The following SLC45A4 variants were observed in gnomAD, a reference collection of about 807,000 sequenced individuals.
SLC45A4 encodes polyamine-transporter SLC45A4.
In SLC45A4, 32 loss-of-function variants were observed where a neutral mutation model predicts 63.7. The ratio of observed to expected loss-of-function variants is 0.50; its 90% CI spans 0.38 to 0.67. The LOEUF is 0.67. SLC45A4 is among the 30% of genes least tolerant of loss of function. SLC45A4 has a pLI of 0.00. For missense variants in SLC45A4, 1,027 were observed against 1,157.7 expected (o/e 0.89, Z 1.64); for synonymous variants, 535 against 510.0 (o/e 1.05, Z -0.66).
In SLC45A4 at chr8:141,218,484, C is replaced by T. The variant is rs370727733; in HGVS notation, c.1156G>A (p.Gly386Arg). ...NHLNEAKVPN[G>R]SGSPTKDALG... ...GCGTCTTTTGTGGGGGAGCCACTTCCGTTTGGGACTTTAGCTTCATTCAAG... is the reference window on the plus strand; with the variant it reads ...GCGTCTTTTGTGGGGGAGCCACTTCTGTTTGGGACTTTAGCTTCATTCAAG... Residue 386 changes from glycine to arginine, a missense_variant, in exon 5 of 9, where the codon GGA (glycine) becomes AGA (arginine). By Grantham distance (125) the Gly-to-Arg change is moderately radical. Coordinates refer to ENST00000517878, the MANE Select transcript of SLC45A4 (RefSeq NM_001286646.2). 5.6e-6 allele frequency: 9 copies of T among 1,613,208 alleles called. No homozygotes were observed. Among genetic ancestry groups the T allele is most frequent in the South Asian group, 4.4e-5 (4 of 91,088 alleles).
chr8:141,219,500 T>C, intron 4 of SLC45A4, 150 bp downstream of exon 4: 1 of 1,008,160 alleles, frequency 9.9e-7, no homozygotes. Context: ...CTGCCCCTGG[T>C]TACCTTCCAG....
At chr8:141,288,123 A>C (rs1589855031) in intron 1 of SLC45A4, among the ~76,000 whole-genome samples, 1 of 152,038 alleles carries the variant, frequency 6.6e-6, no homozygotes, top group Non-Finnish European at 1.5e-5. Flanking sequence ...GCTGCAATGA[A>C]CCATGATCCT....
chr8:141,228,383 C>G (rs1827155537), intron 2 of SLC45A4: 2 of 1,524,304 alleles, frequency 1.3e-6, no homozygotes, highest in African/African-American at 2.8e-5. Context: ...AGGCCCCTGG[C>G]CAGACCCAAG....
At chr8:141,270,772 C>T (rs1829490576) in intron 1 of SLC45A4, among the ~76,000 whole-genome samples, 1 of 152,144 alleles carries the variant, frequency 6.6e-6, no homozygotes, top group South Asian at 2.1e-4. Context: ...GTAAACTCTA[C>T]ATACCAAAGG....
chr8:141,215,617 A>G lies in SLC45A4; in HGVS notation c.1941+142T>C. ...CAGGTGGTGGCTCTGTGGGCTTTGG[A>G]AGGGGCCATCTCAGAACCGGAGAGG... On this transcript the variant is annotated intron_variant, in intron 7 of 8. Coordinates refer to ENST00000517878, the MANE Select transcript of SLC45A4 (RefSeq NM_001286646.2). This position sits in a 1 kb window ranked among gnomAD's most constrained non-coding sequence, Gnocchi z 4.3. 1 of 824,092 alleles carries G rather than the reference A, an allele frequency of 1.2e-6. No individual in the cohort carries two copies. The highest frequency in any genetic ancestry group is 3.5e-4 in the Middle Eastern group (1 of 2,824). The allele number at this position is 824,092 out of a possible 1,614,324, so 51.0% of individuals were successfully genotyped here.
intron 2 of SLC45A4, among the ~76,000 whole-genome samples, chr8:141,239,604 G>GCA (rs1827804976): frequency 6.4e-5 from 9 of 140,304 alleles, no homozygotes; most frequent in Non-Finnish European, 7.7e-5. Flanking sequence ...ACACACGCAC[G>GCA]CACACACACA....
At position 141,243,567 on chromosome 8, in the gene SLC45A4, C is replaced by A. The variant is rs568334582; in HGVS notation, c.241+10422G>T. On this transcript the variant is annotated intron_variant, in intron 2 of 8. Transcript: ENST00000517878. ...GGCTGAGGCAGGAGGATGGCTTGAGCCTAGGAGGTCAAGGCTGCAGTGAGC... is the reference window on the plus strand; with the variant it reads ...GGCTGAGGCAGGAGGATGGCTTGAGACTAGGAGGTCAAGGCTGCAGTGAGC... Among the ~76,000 whole-genome samples, 19 of 152,224 alleles carry A rather than the reference C, an allele frequency of 1.2e-4. No individual in the cohort carries two copies. The South Asian group carries it at 3.9e-3, about 32-fold the overall frequency.
At chr8:141,231,504 G>C (rs544870293) in intron 2 of SLC45A4, among the ~76,000 whole-genome samples, 49 of 152,350 alleles carry the variant, frequency 3.2e-4, no homozygotes, top group Non-Finnish European at 5.4e-4. Context: ...TGCTCCAAGA[G>C]GGCCGCGCAG....
At chr8:141,280,580 G>C (rs909138630) in intron 1 of SLC45A4, among the ~76,000 whole-genome samples, 1 of 152,150 alleles carries the variant, frequency 6.6e-6, no homozygotes, top group Non-Finnish European at 1.5e-5. Context: ...TGGGTCACTC[G>C]GGGCCCCTGC....
At chr8:141,275,085 G>A (rs1027337130) in intron 1 of SLC45A4, among the ~76,000 whole-genome samples, 6 of 152,218 alleles carry the variant, frequency 3.9e-5, no homozygotes, top group African/African-American at 1.4e-4. Context: ...CAACCACATC[G>A]GTTCGACTGA....
At chr8:141,239,399 A>G (rs1827790552) in intron 2 of SLC45A4, among the ~76,000 whole-genome samples, 1 of 152,188 alleles carries the variant, frequency 6.6e-6, no homozygotes, top group Non-Finnish European at 1.5e-5. Context: ...TGAACTGCAG[A>G]AGTGCACTAT....
At chr8:141,228,482 C>T (rs528428854) in intron 2 of SLC45A4, 9 of 1,340,004 alleles carry the variant, frequency 6.7e-6, no homozygotes, top group Non-Finnish European at 8.7e-6. Context: ...CTTGTGGGCA[C>T]CTGTCTTCAC....
intron 1 of SLC45A4, among the ~76,000 whole-genome samples, chr8:141,260,795 T>A (rs1017126402): frequency 6.6e-6 from 1 of 152,042 alleles, no homozygotes; most frequent in African/African-American, 2.4e-5. Context: ...CTACCAGAGG[T>A]ACAAGGAGGA....
At chr8:141,273,531 G>A (rs1160627374) in intron 1 of SLC45A4, among the ~76,000 whole-genome samples, 1 of 152,144 alleles carries the variant, frequency 6.6e-6, no homozygotes, top group East Asian at 1.9e-4. Flanking sequence ...CGTGGGAGAG[G>A]CAGGTCGCGT....
intron 1 of SLC45A4, among the ~76,000 whole-genome samples, chr8:141,275,517 G>C (rs1001595433): frequency 3.9e-5 from 6 of 151,946 alleles, no homozygotes; most frequent in African/African-American, 1.5e-4. Flanking sequence ...AGGATCACTT[G>C]AGTCCTGGAA....
chr8:141,277,028 A>T (rs1300676535), intron 1 of SLC45A4, among the ~76,000 whole-genome samples: 4 of 152,232 alleles, frequency 2.6e-5, no homozygotes, highest in Non-Finnish European at 5.9e-5. Context: ...TCCCAGCAGC[A>T]AGGGAAGGCA....
chr8:141,287,023 G>A (rs544502537), intron 1 of SLC45A4, among the ~76,000 whole-genome samples: 7 of 152,160 alleles, frequency 4.6e-5, no homozygotes, highest in African/African-American at 1.2e-4. Flanking sequence ...ATCTGAGGCC[G>A]ACCAAGCACC....
At chr8:141,294,617 A>G (rs1459772772) in intron 1 of SLC45A4, among the ~76,000 whole-genome samples, 1 of 152,248 alleles carries the variant, frequency 6.6e-6, no homozygotes, top group Admixed American at 6.5e-5. Flanking sequence ...CTCCTGTGGC[A>G]GGAACGGCTG....
intron 1 of SLC45A4, among the ~76,000 whole-genome samples, chr8:141,257,006 A>T (rs1455157067): frequency 2.6e-5 from 4 of 152,028 alleles, no homozygotes; most frequent in African/African-American, 9.7e-5. Context: ...GGCACATGCC[A>T]CCACGCCCAG....
Sources: allele counts gnomAD v4.1 joint callset (sites outside exome capture counted in the v4.1 genomes callset), GRCh38; gene constraint gnomAD v4.1.1; non-coding constraint Gnocchi (gnomAD v3.1); transcripts MANE v1.5; gene names NCBI Gene and HGNC (gene_info 2026-07-23, HGNC 2026-07-21).